The following TUSC3 variants were observed in gnomAD, a reference collection of about 807,000 sequenced individuals.
TUSC3 encodes tumor suppressor candidate 3, also known as dolichyl-diphosphooligosaccharide--protein glycosyltransferase subunit TUSC3.
In TUSC3, 45 loss-of-function variants were observed where a neutral mutation model predicts 44.8. That is an observed-to-expected ratio of 1.00 (90% CI 0.79 to 1.29). The LOEUF is 1.29. Ranked by LOEUF, TUSC3 falls within the 50% of genes most tolerant of loss-of-function variation. The pLI, the probability that TUSC3 is intolerant of heterozygous loss-of-function variation, is 0.00. For synonymous variants in TUSC3, 212 were observed against 152.9 expected, an observed-to-expected ratio of 1.39 and a Z score of -2.85; for missense variants, 519 against 437.9, an observed-to-expected ratio of 1.19 and a Z score of -1.65.
upstream of TUSC3, among the ~76,000 whole-genome samples, chr8:15,537,792 TGGG>T (rs1243671458): frequency 6.6e-6 from 1 of 152,068 alleles, no homozygotes; most frequent in Non-Finnish European, 1.5e-5. Flanking sequence ...TACCACAAGT[TGGG>T]GAGAGAAAGG....
intron 1 of TUSC3, among the ~76,000 whole-genome samples, chr8:15,549,486 A>AT (rs1259759411): frequency 2.0e-5 from 3 of 151,496 alleles, no homozygotes; most frequent in South Asian, 2.1e-4. Context: ...GTACTTACTT[A>AT]TTTTTTTGTG....
the TUSC3 span, among the ~76,000 whole-genome samples, chr8:15,778,558 GTAT>G: frequency 1.3e-5 from 2 of 152,132 alleles, no homozygotes; most frequent in East Asian, 1.9e-4. Flanking sequence ...AAAGCAGCCA[GTAT>G]TATTAGGTAA....
upstream of TUSC3, among the ~76,000 whole-genome samples, chr8:15,536,519 T>A (rs1444907535): frequency 6.6e-6 from 1 of 151,062 alleles, no homozygotes; most frequent in Admixed American, 6.6e-5. Context: ...CTATCTGTAC[T>A]GAAAACACAA....
At position 15,764,243 on chromosome 8, in the gene TUSC3, GA is replaced by G; in HGVS notation, c.*89del. 2 of 1,604,298 alleles carry G rather than the reference GA, an allele frequency of 1.2e-6. No homozygotes were observed. The highest frequency in any genetic ancestry group is 1.7e-6 in the Non-Finnish European group (2 of 1,172,760). ...AAGCCAAGTGGGATTTGCATAAAGT[GA>G]ATGTTTACCATGAAGATAAACTGTT... is the stretch of plus-strand genomic sequence containing the variant. On this transcript the variant is annotated 3_prime_UTR_variant, in exon 11 of 11. Transcript: ENST00000503731.
chr8:15,501,548 C>G (rs1371299243), intron 2 of TUSC3, among the ~76,000 whole-genome samples: 1 of 152,106 alleles, frequency 6.6e-6, no homozygotes, highest in Non-Finnish European at 1.5e-5. Flanking sequence ...GGTAGGTTTT[C>G]TTTTCATCTT....
chr8:15,606,761 C>T (rs1804545303), intron 1 of TUSC3, among the ~76,000 whole-genome samples: 1 of 151,908 alleles, frequency 6.6e-6, no homozygotes, highest in African/African-American at 2.4e-5. Context: ...GGATAAATTC[C>T]TAGAAATGGC....
At chr8:15,654,679 C>T (rs1807076317) in intron 3 of TUSC3, among the ~76,000 whole-genome samples, 1 of 152,038 alleles carries the variant, frequency 6.6e-6, no homozygotes, top group African/African-American at 2.4e-5. Context: ...TGTCTGTAAT[C>T]CCAGCTACTG....
At chr8:15,785,879 AG>A in the TUSC3 span, among the ~76,000 whole-genome samples, 116 of 152,264 alleles carry the variant, frequency 7.6e-4, no homozygotes, top group East Asian at 0.014. Flanking sequence ...ACATTTCAGA[AG>A]TTCTATGCTG....
At chr8:15,833,217 T>C in the TUSC3 span, among the ~76,000 whole-genome samples, 10 of 152,148 alleles carry the variant, frequency 6.6e-5, no homozygotes, top group Non-Finnish European at 1.2e-4. Context: ...TAACAGGTGC[T>C]GGCAAGGTTG....
intron 2 of TUSC3, among the ~76,000 whole-genome samples, chr8:15,629,364 T>A (rs1286983577): frequency 1.3e-5 from 2 of 152,124 alleles, no homozygotes; most frequent in East Asian, 3.9e-4. Flanking sequence ...AGCTCTGTAA[T>A]CCATATGATA....
chr8:15,603,602 T>G (rs778426206), intron 1 of TUSC3, among the ~76,000 whole-genome samples: 1 of 151,628 alleles, frequency 6.6e-6, no homozygotes, highest in Non-Finnish European at 1.5e-5. Context: ...TATAAAAATA[T>G]GATATGGTAA....
chr8:15,807,026 C>A, the TUSC3 span: 2 of 1,431,316 alleles, frequency 1.4e-6, no homozygotes, highest in South Asian at 2.3e-5. Flanking sequence ...CCTGCAGACC[C>A]TGTAAATCCT....
At chr8:15,832,257 C>T in the TUSC3 span, among the ~76,000 whole-genome samples, 1 of 152,114 alleles carries the variant, frequency 6.6e-6, no homozygotes, top group Non-Finnish European at 1.5e-5. Context: ...GGAATTCATT[C>T]CCACAAGACC....
At chr8:15,550,918 C>A (rs762230748) in intron 1 of TUSC3, among the ~76,000 whole-genome samples, 1 of 151,584 alleles carries the variant, frequency 6.6e-6, no homozygotes, top group South Asian at 2.1e-4. Context: ...GTGATCTGCC[C>A]GCCTCGGCCT....
intron 2 of TUSC3, among the ~76,000 whole-genome samples, chr8:15,506,714 C>T (rs918657425): frequency 2.6e-5 from 4 of 152,094 alleles, no homozygotes; most frequent in South Asian, 4.1e-4. Context: ...AGGAAAAACC[C>T]GTCCCCATGA....
intron 1 of TUSC3, among the ~76,000 whole-genome samples, chr8:15,570,803 A>G (rs1321157600): frequency 6.6e-6 from 1 of 151,952 alleles, no homozygotes; most frequent in Non-Finnish European, 1.5e-5. Flanking sequence ...CTCTTTTATC[A>G]GTGCTTCTCA....
intron 1 of TUSC3, among the ~76,000 whole-genome samples, chr8:15,545,734 T>C (rs1405321676): frequency 6.6e-6 from 1 of 151,804 alleles, no homozygotes; most frequent in Non-Finnish European, 1.5e-5. Flanking sequence ...GAAACATAAC[T>C]CAAGCTAAAG....
intron 1 of TUSC3, among the ~76,000 whole-genome samples, chr8:15,433,801 T>C (rs1799909924): frequency 6.6e-6 from 1 of 152,178 alleles, no homozygotes; most frequent in African/African-American, 2.4e-5. Context: ...AGTAGAAATA[T>C]ACGTTATATG....
At chr8:15,754,469 A>G (rs536922251) in intron 9 of TUSC3, among the ~76,000 whole-genome samples, 1 of 152,306 alleles carries the variant, frequency 6.6e-6, no homozygotes, top group South Asian at 2.1e-4. Flanking sequence ...TCTTCTTCAC[A>G]GTAGCTCTTG....
Sources: gnomAD v4.1 joint callset for allele counts (sites outside exome capture counted in the v4.1 genomes callset) on GRCh38, gnomAD v4.1.1 for gene constraint, MANE v1.5 for transcripts, NCBI Gene and HGNC (gene_info 2026-07-23, HGNC 2026-07-21) for gene names.